Variants in ITPA observed in about 807,000 individuals in gnomAD.
ITPA encodes inosine triphosphatase, also known as inosine triphosphate pyrophosphatase.
Under a neutral mutation model 29.6 loss-of-function variants are expected in ITPA, and 29 were observed. The ratio of observed to expected loss-of-function variants is 0.98; its 90% CI spans 0.73 to 1.34. ITPA has a LOEUF of 1.34. Ranked by LOEUF, ITPA falls within the 40% of genes most tolerant of loss-of-function variation. The probability of loss-of-function intolerance (pLI) is 0.00; values close to 1 mark genes in which losing one functional copy is unlikely to be tolerated. For synonymous variants in ITPA, 103 were observed against 99.3 expected, an observed-to-expected ratio of 1.04 and a Z score of -0.22; for missense variants, 241 against 251.5, an observed-to-expected ratio of 0.96 and a Z score of 0.28.
downstream of ITPA, among the ~76,000 whole-genome samples, chr20:3,226,295 G>A (rs958274036): frequency 5.3e-5 from 8 of 152,196 alleles, no homozygotes; most frequent in African/African-American, 7.2e-5. The surrounding 1 kb of genome is among the most constrained non-coding windows in gnomAD (Gnocchi z 4.4). Context: ...CAGCTGTCCC[G>A]TGACAAATCC....
downstream of ITPA, among the ~76,000 whole-genome samples, chr20:3,224,864 C>A (rs1276307709): frequency 1.3e-5 from 2 of 152,176 alleles, no homozygotes; most frequent in African/African-American, 4.8e-5. Context: ...GTGCACACAA[C>A]ACTTTCTGGC....
downstream of ITPA, chr20:3,227,378 T>C: frequency 4.0e-6 from 1 of 252,860 alleles, no homozygotes; most frequent in Non-Finnish European, 7.9e-6. Context: ...CTCCCCAGAG[T>C]GGGGGTGGAG....
chr20:3,213,288 T>C (rs1416186579), intron 2 of ITPA, 31 bp from the exon 3 acceptor site: 4 of 1,614,204 alleles, frequency 2.5e-6, no homozygotes, highest in Non-Finnish European at 3.4e-6. Context: ...TCCTGTGACC[T>C]GACTTTCTGT....
chr20:3,217,072 G>C (rs911252510), intron 5 of ITPA, among the ~76,000 whole-genome samples: 1 of 151,672 alleles, frequency 6.6e-6, no homozygotes, highest in Admixed American at 6.6e-5. Flanking sequence ...GTAGAGACAG[G>C]GTTTCACCAC....
At chr20:3,216,274 C>G (rs2067296545) in intron 5 of ITPA, among the ~76,000 whole-genome samples, 1 of 151,406 alleles carries the variant, frequency 6.6e-6, no homozygotes, top group Admixed American at 6.6e-5. Flanking sequence ...ATTCTCCTGC[C>G]TCAGCCTCCT....
In ITPA at chr20:3,210,976, A is replaced by C. The variant is rs186713067; in HGVS notation, c.66+1359A>C. 2.1e-3 allele frequency among the ~76,000 whole-genome samples: 319 copies of C among 151,156 alleles called. 1 individual carries two copies. Among genetic ancestry groups the C allele is most frequent in the African/African-American group, 6.9e-3 (285 of 41,268 alleles). ...TGAGACAGGAGAATCGCTTGAACCTAGGAAGCGGAGGTTACAGTGAGCTGA... is the reference window on the plus strand; with the variant it reads ...TGAGACAGGAGAATCGCTTGAACCTCGGAAGCGGAGGTTACAGTGAGCTGA... On this transcript the variant is annotated intron_variant, in intron 1 of 7. Coordinates refer to ENST00000380113, the MANE Select transcript of ITPA (RefSeq NM_033453.4).
At chr20:3,223,994 G>A (rs1368566662), downstream of ITPA, 1 of 171,888 alleles carries the variant, frequency 5.8e-6, no homozygotes, top group Non-Finnish European at 1.3e-5. Flanking sequence ...GGAGTGTTAC[G>A]TCTCCACTCG....
chr20:3,214,367 T>C (rs1373086872), intron 4 of ITPA, among the ~76,000 whole-genome samples: 9 of 122,530 alleles, frequency 7.3e-5, no homozygotes, highest in African/African-American at 1.9e-4. Flanking sequence ...TCCTTTCTTT[T>C]TTTTTTTTTT....
chr20:3,214,166 C>T (rs1338487477), intron 4 of ITPA, 108 bp downstream of exon 4: 4 of 950,868 alleles, frequency 4.2e-6, no homozygotes, highest in Non-Finnish European at 5.1e-6. Flanking sequence ...TTAGCATCAA[C>T]AGCCTTTCAC....
At chr20:3,205,200 C>T (rs183295991), upstream of ITPA, among the ~76,000 whole-genome samples, 92 of 152,280 alleles carry the variant, frequency 6.0e-4, no homozygotes, top group African/African-American at 2.0e-3. Flanking sequence ...TTTATGGAAA[C>T]AACCGTGGAA....
chr20:3,218,043 G>A (rs1300176333), intron 5 of ITPA, among the ~76,000 whole-genome samples: 1 of 151,692 alleles, frequency 6.6e-6, no homozygotes, highest in East Asian at 1.9e-4. Flanking sequence ...TCAGCCTCCC[G>A]AGCAGCTGGA....
At position 3,218,482 on chromosome 20, in the gene ITPA, T is replaced by G. The variant is rs760366231; in HGVS notation, c.296-35T>G. The G allele has an allele frequency of 6.2e-6, 9 of 1,453,966 alleles. No individual in the cohort carries two copies. The South Asian group carries it at 1.0e-4, about 17-fold the overall frequency. The allele number at this position is 1,453,966 out of a possible 1,614,324, so 90.1% of individuals were successfully genotyped here. A position where few individuals can be genotyped will look rare whatever the true frequency, so the allele number is the denominator to read the frequency against. ...GGGAGTGGGGGTGGGAGTTGGCCAT[T>G]AGGGATGCACTGAGCCCTCACTGCC... On this transcript the variant is annotated intron_variant, in intron 5 of 7. Transcript: ENST00000380113.
rs543193359 is a variant in ITPA, at chr20:3,223,095, CT to C, written c.489-270del. On this transcript the variant is annotated intron_variant, in intron 7 of 7. Coordinates refer to ENST00000380113, the MANE Select transcript of ITPA (RefSeq NM_033453.4). ...GATCAAACATGCAGCTCATCCCCCC[CT>C]GTCCCCAGCTTCCCTTAATGACTTT... 3.7e-3 allele frequency among the ~76,000 whole-genome samples: 561 copies of C among 152,356 alleles called. 1 individual carries two copies. Among genetic ancestry groups the C allele is most frequent in the Middle Eastern group, 6.8e-3 (2 of 294 alleles).
At chr20:3,226,672 T>C (rs1225401118), downstream of ITPA, among the ~76,000 whole-genome samples, 2 of 152,178 alleles carry the variant, frequency 1.3e-5, no homozygotes, top group Non-Finnish European at 2.9e-5. The surrounding 1 kb of genome is among the most constrained non-coding windows in gnomAD (Gnocchi z 4.4). Context: ...ATATTTCAGA[T>C]ATATTTTCAG....
chr20:3,218,707 T>C (rs779450292), intron 6 of ITPA, 75 bp downstream of exon 6: 15 of 1,167,064 alleles, frequency 1.3e-5, no homozygotes, highest in Non-Finnish European at 1.8e-5. Context: ...CCGCCCCGAG[T>C]CTGCGGGAGG....
In ITPA at chr20:3,219,014, T is replaced by C. The variant is rs540665984; in HGVS notation, c.411+382T>C. On this transcript the variant is annotated intron_variant, in intron 6 of 7. Transcript: ENST00000380113. ...CTGAAGGTGACAATTCCCAAAGCTA[T>C]TTTTTTCTGTTTATTTTATTTATTT... The C allele has an allele frequency of 6.0e-5, 14 of 231,492 alleles. 1 individual carries two copies. Among genetic ancestry groups the C allele is most frequent in the African/African-American group, 2.5e-4 (11 of 43,316 alleles). 14.3% of individuals were successfully genotyped at this position (231,492 alleles called of 1,614,324 possible).
intron 6 of ITPA, 122 bp from the exon 7 acceptor site, chr20:3,221,719 A>T: frequency 1.1e-6 from 1 of 871,770 alleles, no homozygotes; most frequent in Non-Finnish European, 1.9e-6. Context: ...CCTTGCAACT[A>T]CATTTTGCGT....
At chr20:3,223,168 G>A (rs1368264214) in intron 7 of ITPA, among the ~76,000 whole-genome samples, 198 bp from the exon 8 acceptor site, 1 of 152,194 alleles carries the variant, frequency 6.6e-6, no homozygotes, top group Non-Finnish European at 1.5e-5. Context: ...TCATTCATGG[G>A]GGTTTCTGCC....
At chr20:3,207,995 CAAA>C (rs71195826), upstream of ITPA, among the ~76,000 whole-genome samples, 29,185 of 116,412 alleles carry the variant, frequency 0.25, 2,719 homozygotes, top group African/African-American at 0.27. Flanking sequence ...GACTCCGTCT[CAAA>C]AAAAAAAAAA....
Sources: gnomAD v4.1 joint callset for allele counts (sites outside exome capture counted in the v4.1 genomes callset) on GRCh38, gnomAD v4.1.1 for gene constraint, Gnocchi (gnomAD v3.1) non-coding constraint, MANE v1.5 for transcripts, NCBI Gene and HGNC (gene_info 2026-07-23, HGNC 2026-07-21) for gene names.